Variants in CD9 observed in about 807,000 individuals in gnomAD.
The protein encoded by CD9 is CD9 antigen.
CD9 carries 10 observed loss-of-function variants against 31.4 expected under a neutral mutation model. The ratio of observed to expected loss-of-function variants is 0.32; its 90% CI spans 0.20 to 0.54. The LOEUF (loss-of-function observed/expected upper bound fraction) is 0.54. Ranked by LOEUF, CD9 falls within the 20% of genes least tolerant of loss-of-function variation. The probability of loss-of-function intolerance (pLI) is 0.94; values close to 1 mark genes in which losing one functional copy is unlikely to be tolerated. For missense variants in CD9, 259 were observed against 300.1 expected (o/e 0.86, Z 1.01); for synonymous variants, 113 against 114.1 (o/e 0.99, Z 0.06).
At chr12:6,233,059 T>C in intron 3 of CD9, 2 of 702,388 alleles carry the variant, frequency 2.8e-6, no homozygotes, top group Non-Finnish European at 2.6e-6. Context: ...TTTTCCGAAC[T>C]CCACGGAGTG....
chr12:6,226,181 G>A (rs1946363625), intron 2 of CD9: 1 of 152,204 alleles, frequency 6.6e-6, no homozygotes, highest in Admixed American at 6.5e-5. Flanking sequence ...AACAGACTTG[G>A]CAGGTTTCTT....
At chr12:6,200,664 C>G in intron 1 of CD9, 99 bp downstream of exon 1, 3 of 769,798 alleles carry the variant, frequency 3.9e-6, no homozygotes, top group South Asian at 1.6e-5. Context: ...TGGCACTGCC[C>G]GCACCGGGCA....
chr12:6,203,583 G>A (rs765844819), intron 1 of CD9, among the ~76,000 whole-genome samples: 16 of 152,156 alleles, frequency 1.1e-4, no homozygotes, highest in Non-Finnish European at 1.9e-4. Context: ...GTCACTCCCT[G>A]ATGGCCACAG....
intron 1 of CD9, among the ~76,000 whole-genome samples, chr12:6,212,348 C>T (rs958459964): frequency 6.6e-6 from 1 of 152,194 alleles, no homozygotes; most frequent in Non-Finnish European, 1.5e-5. Flanking sequence ...GGCAGCAGGG[C>T]CTTGTAGTGT....
At chr12:6,233,645 C>T (rs1028405092) in intron 4 of CD9, among the ~76,000 whole-genome samples, 159 bp downstream of exon 4, 5 of 152,140 alleles carry the variant, frequency 3.3e-5, no homozygotes, top group African/African-American at 9.7e-5. Context: ...GTGCCCTCCT[C>T]GGGGCAGGGA....
chr12:6,230,017 C>G (rs547320465), intron 2 of CD9, among the ~76,000 whole-genome samples: 1 of 152,314 alleles, frequency 6.6e-6, no homozygotes, highest in African/African-American at 2.4e-5. Flanking sequence ...CCTTGGCTAA[C>G]AAGCTTGGGG....
intron 2 of CD9, among the ~76,000 whole-genome samples, chr12:6,228,292 C>G (rs1021601851): frequency 1.3e-5 from 2 of 152,192 alleles, no homozygotes; most frequent in Non-Finnish European, 2.9e-5. Context: ...ATCCGTCCGC[C>G]TCAGCCTCTA....
At chr12:6,209,309 T>C (rs1946167448) in intron 1 of CD9, among the ~76,000 whole-genome samples, 1 of 152,174 alleles carries the variant, frequency 6.6e-6, no homozygotes, top group Admixed American at 6.5e-5. Context: ...ATCCACATCA[T>C]GTCTTCCCTT....
Position 6,236,288 on chromosome 12 carries a change from A to T in CD9, c.621+13A>T. The T allele has an allele frequency of 6.2e-7, 1 of 1,612,756 alleles. No homozygotes were observed. Among genetic ancestry groups the T allele is most frequent in the South Asian group, 1.1e-5 (1 of 91,058 alleles). ...TGCCGTGGTCATGGTGAGTGGCAGG[A>T]CGTCGTCCCAGGAGGGGGACTGAGG... On this transcript the variant is annotated intron_variant, in intron 7 of 7. Transcript: ENST00000009180.
chr12:6,233,747 G>T (rs747004156), intron 4 of CD9, among the ~76,000 whole-genome samples: 2 of 152,048 alleles, frequency 1.3e-5, no homozygotes, highest in Non-Finnish European at 2.9e-5. Context: ...GGGCCTGTGC[G>T]TGTGTCTGTC....
At chr12:6,215,534 G>C (rs1449553134) in intron 1 of CD9, among the ~76,000 whole-genome samples, 4 of 152,188 alleles carry the variant, frequency 2.6e-5, no homozygotes. Context: ...TTCGAGAGCT[G>C]CTGGACTGGC....
chr12:6,209,761 T>C (rs1229940832), intron 1 of CD9, among the ~76,000 whole-genome samples: 1 of 150,420 alleles, frequency 6.6e-6, no homozygotes, highest in African/African-American at 2.5e-5. Flanking sequence ...CTCGGCTCAC[T>C]GCAACCTCTG....
intron 1 of CD9, among the ~76,000 whole-genome samples, chr12:6,201,605 T>A (rs963737175): frequency 6.6e-6 from 1 of 152,358 alleles, no homozygotes; most frequent in East Asian, 1.9e-4. Flanking sequence ...AGGAAACCCT[T>A]GTGTCCTTGT....
intron 2 of CD9, among the ~76,000 whole-genome samples, chr12:6,229,430 C>G (rs1281778867): frequency 6.6e-6 from 1 of 152,216 alleles, no homozygotes. Context: ...AACCACAGCA[C>G]AGCTTACACA....
Position 6,237,770 on chromosome 12 carries a change from G to C in CD9, c.629G>C (p.Gly210Ala), listed in dbSNP as rs1946539552. The change falls in exon 8 of 8, where the codon GGC becomes GCC. Residue 210 changes from glycine to alanine, a missense_variant. By Grantham distance (60) the Gly-to-Ala change is moderately conservative. Transcript: ENST00000009180. ...TTTCTTCCTATCTCCTAGATATTTG[G>C]CATGATCTTCAGTATGATCTTGTGC... ...GIGIAVVMIF[G>A]MIFSMILCCA... The C allele has an allele frequency of 3.1e-6, 5 of 1,612,208 alleles. No homozygotes were observed. The highest frequency in any genetic ancestry group is 4.2e-6 in the Non-Finnish European group (5 of 1,178,474).
intron 1 of CD9, among the ~76,000 whole-genome samples, chr12:6,209,264 G>A (rs777329719): frequency 2.0e-5 from 3 of 152,082 alleles, no homozygotes; most frequent in South Asian, 2.1e-4. Context: ...CGGGCTCGTC[G>A]TAGCTTTTCA....
intron 1 of CD9, among the ~76,000 whole-genome samples, chr12:6,202,012 G>A (rs1946083554): frequency 6.6e-6 from 1 of 152,162 alleles, no homozygotes; most frequent in African/African-American, 2.4e-5. Context: ...CACTTAGCCT[G>A]GGTGACCTAG....
At chr12:6,216,325 C>G (rs1946242326) in intron 1 of CD9, among the ~76,000 whole-genome samples, 2 of 152,118 alleles carry the variant, frequency 1.3e-5, no homozygotes, top group Admixed American at 6.6e-5. Flanking sequence ...AACTTGCATC[C>G]CCAGTATTTG....
At chr12:6,225,709 T>G (rs1946356515) in intron 2 of CD9, 175 bp downstream of exon 2, 1 of 590,084 alleles carries the variant, frequency 1.7e-6, no homozygotes. Flanking sequence ...TCGTTGTGCC[T>G]GGGAATTTGC....
Sources: gnomAD v4.1 joint callset for allele counts (sites outside exome capture counted in the v4.1 genomes callset) on GRCh38, gnomAD v4.1.1 for gene constraint, MANE v1.5 for transcripts, NCBI Gene and HGNC (gene_info 2026-07-23, HGNC 2026-07-21) for gene names.